Variants in TRAP1 observed in about 807,000 individuals in gnomAD.
The protein encoded by TRAP1 is TNF receptor associated protein 1.
In TRAP1, 102 loss-of-function variants were observed where a neutral mutation model predicts 89.1. That is an observed-to-expected ratio of 1.15 (90% CI 0.98 to 1.35). TRAP1 has a LOEUF of 1.35. TRAP1 is among the 40% of genes most tolerant of loss of function. TRAP1 has a pLI of 0.00. For missense variants in TRAP1, 1,256 were observed against 945.3 expected (o/e 1.33, Z -4.31); for synonymous variants, 508 against 388.0 (o/e 1.31, Z -3.64).
intron 1 of TRAP1, among the ~76,000 whole-genome samples, chr16:3,712,212 T>C (rs2051540310): frequency 7.4e-6 from 1 of 134,688 alleles, no homozygotes; most frequent in Admixed American, 9.0e-5. Context: ...CTGCCTGAAT[T>C]CAGGAGGCGG....
At chr16:3,686,240 T>G (rs929105705) in intron 3 of TRAP1, 104 bp from the exon 4 acceptor site, 1 of 1,325,962 alleles carries the variant, frequency 7.5e-7, no homozygotes. Flanking sequence ...TAGAGGAGAA[T>G]AGTCAATTCT....
At chr16:3,687,193 G>A (rs1224311927) in intron 3 of TRAP1, 2 of 152,110 alleles carry the variant, frequency 1.3e-5, no homozygotes, top group African/African-American at 2.4e-5. Flanking sequence ...TGTTCTCGTG[G>A]TAGTGAGTAA....
rs554747620 is a variant in TRAP1 at position 3,717,481 on chromosome 16, G to A, written c.28C>T (p.Leu10=). 10 of 1,338,986 alleles carry A rather than the reference G, an allele frequency of 7.5e-6. No individual in the cohort carries two copies. In the East Asian group the frequency reaches 1.6e-4, roughly 22 times the overall value. 82.9% of individuals were successfully genotyped at this position (1,338,986 alleles called of 1,614,324 possible). MARELRALL[L]WGRRLRPLLR... is the part of the protein sequence containing the mutation. ...AAAGGCCGCAGGCGGCGGCCCCACA[G>A]CAGCAGCGCCCGCAGCTCGCGCGCC... Residue 10 remains leucine, a synonymous_variant, in exon 1 of 18, where the codon CTG becomes TTG. Coordinates refer to ENST00000246957, the MANE Select transcript of TRAP1 (RefSeq NM_016292.3).
intron 3 of TRAP1, among the ~76,000 whole-genome samples, chr16:3,687,805 AC>A: frequency 6.7e-6 from 1 of 148,430 alleles, no homozygotes; most frequent in Admixed American, 6.9e-5. Flanking sequence ...CCGAGATCAT[AC>A]CACTGCACTC....
intron 4 of TRAP1, among the ~76,000 whole-genome samples, chr16:3,685,098 C>A (rs554214818): frequency 6.6e-6 from 1 of 152,338 alleles, no homozygotes; most frequent in African/African-American, 2.4e-5. Flanking sequence ...CTGCAAGGAA[C>A]CTCTGTGCTG....
intron 3 of TRAP1, chr16:3,687,000 A>T (rs1160815754): frequency 6.6e-6 from 1 of 152,090 alleles, no homozygotes; most frequent in Non-Finnish European, 1.5e-5. Flanking sequence ...TGCGAGGAAC[A>T]ATTTCTTTCC....
At chr16:3,671,827 C>G (rs199860517) in intron 10 of TRAP1, 36 bp from the exon 11 acceptor site, 1 of 1,600,908 alleles carries the variant, frequency 6.2e-7, no homozygotes, top group African/African-American at 1.3e-5. Context: ...CCCGGGGCTG[C>G]GGCCCTCCAC....
chr16:3,663,659 G>A lies in TRAP1; in HGVS notation c.1570-97C>T, dbSNP rs543321474. On this transcript the variant is annotated intron_variant, in intron 13 of 17. Transcript: ENST00000246957. Reference sequence around the variant, plus strand: ...GGCAGGAGGGCTGGGGGAGCCAAGCGGGCCACACTGGGGAACACCGGGGCA... The same window carrying A: ...GGCAGGAGGGCTGGGGGAGCCAAGCAGGCCACACTGGGGAACACCGGGGCA... 82 of 1,503,734 alleles carry A rather than the reference G, an allele frequency of 5.5e-5. 1 individual carries two copies. In the East Asian group the frequency reaches 1.0e-3, roughly 19 times the overall value. 93.1% of individuals were successfully genotyped at this position (1,503,734 alleles called of 1,614,324 possible).
Position 3,662,240 on chromosome 16 carries a change from G to A in TRAP1, c.1795-108C>T, listed in dbSNP as rs113229466. 3 of 1,394,930 alleles carry A rather than the reference G, an allele frequency of 2.2e-6. No individual in the cohort carries two copies. The African/African-American group carries it at 4.3e-5, about 20-fold the overall frequency. 86.4% of individuals were successfully genotyped at this position (1,394,930 alleles called of 1,614,324 possible). A position where few individuals can be genotyped will look rare whatever the true frequency, so the allele number is the denominator to read the frequency against. On this transcript the variant is annotated intron_variant, in intron 15 of 17. Transcript: ENST00000246957. ...CCCAGACCACGAGGTAGCAGGCGGGGTCTCAAGGACTCCCCTGGACCAGCG... is the reference window on the plus strand; with the variant it reads ...CCCAGACCACGAGGTAGCAGGCGGGATCTCAAGGACTCCCCTGGACCAGCG...
intron 1 of TRAP1, among the ~76,000 whole-genome samples, chr16:3,695,931 C>G (rs1042562101): frequency 2.6e-5 from 4 of 152,188 alleles, no homozygotes; most frequent in African/African-American, 9.6e-5. Flanking sequence ...ACTGGAGGTA[C>G]AGGCATCAGT....
chr16:3,664,095 TGTGACCTCCAA>T (rs1876588024), intron 13 of TRAP1, 168 bp downstream of exon 13: 1 of 626,270 alleles, frequency 1.6e-6, no homozygotes, highest in South Asian at 2.7e-5. Context: ...AAAAACCACA[TGTGACCTCCAA>T]GTGGGAAACA....
intron 9 of TRAP1, 96 bp from the exon 10 acceptor site, chr16:3,672,916 A>G (rs1596710494): frequency 1.4e-6 from 2 of 1,455,844 alleles, no homozygotes; most frequent in Non-Finnish European, 1.8e-6. Flanking sequence ...TCCAGAGCCC[A>G]CTCCCGCCTC....
Position 3,690,979 on chromosome 16 carries a change from G to C in TRAP1, c.95C>G (p.Pro32Arg), listed in dbSNP as rs756676011. The change falls in exon 2 of 18, where the codon CCA (proline) becomes CGA (arginine). Residue 32 changes from proline to arginine, a missense_variant. Transcript: ENST00000246957. Reference sequence around the variant, plus strand: ...TGTGGTCCTCCGAGGACACAGAATTGGTTTTCCTGAAAAGACAAATATGCA... The same window carrying C: ...TGTGGTCCTCCGAGGACACAGAATTCGTTTTCCTGAAAAGACAAATATGCA... ...PALAAVPGGK[P>R]ILCPRRTTAQ... The C allele has an allele frequency of 4.7e-6, 7 of 1,503,884 alleles. No individual in the cohort carries two copies. In the African/African-American group the frequency reaches 5.7e-5, roughly 12 times the overall value. The allele number at this position is 1,503,884 out of a possible 1,614,324, so 93.2% of individuals were successfully genotyped here.
intron 8 of TRAP1, chr16:3,675,027 G>A: frequency 2.4e-6 from 1 of 413,068 alleles, no homozygotes; most frequent in Non-Finnish European, 4.4e-6. Context: ...CGGGGTGGCT[G>A]CACAGCTCTG....
At chr16:3,695,504 C>A (rs187418364) in intron 1 of TRAP1, among the ~76,000 whole-genome samples, 1 of 147,850 alleles carries the variant, frequency 6.8e-6, no homozygotes, top group Admixed American at 6.8e-5. Flanking sequence ...CCACTGTACT[C>A]CAGACTTGGC....
chr16:3,690,872 C>T lies in TRAP1; in HGVS notation c.202G>A (p.Glu68Lys), dbSNP rs2051204537. 4 of 1,581,530 alleles carry T rather than the reference C, an allele frequency of 2.5e-6. No individual in the cohort carries two copies. Among genetic ancestry groups the T allele is most frequent in the Non-Finnish European group, 3.4e-6 (4 of 1,164,010 alleles). The change falls in exon 2 of 18, where the codon GAG becomes AAG. Residue 68 changes from glutamate (E) to lysine (K), a missense_variant. Glu to Lys is a moderately conservative substitution (Grantham distance 56, BLOSUM62 1). Transcript: ENST00000246957. ...CTGATAATCGAGTGCAGGGGTTCCT[C>T]CTTGTCCTCGGCGGTCTGCGTGCTG... ...LFSTQTAEDK[E>K]EPLHSIISST... is the part of the protein sequence containing the mutation.
At position 3,690,814 on chromosome 16, in the gene TRAP1, G is replaced by C; in HGVS notation, c.247+13C>G. 1.4e-6 allele frequency: 2 copies of C among 1,380,412 alleles called. No homozygotes were observed. Among genetic ancestry groups the C allele is most frequent in the South Asian group, 1.9e-5 (1 of 53,366 alleles). The allele number at this position is 1,380,412 out of a possible 1,614,324, so 85.5% of individuals were successfully genotyped here. A position where few individuals can be genotyped will look rare whatever the true frequency, so the allele number is the denominator to read the frequency against. ...AAAAAGCCCTCCCAGACCAAAGCACGAGCCAAGGCTACCCTGCACGCTCTC... is the reference window on the plus strand; with the variant it reads ...AAAAAGCCCTCCCAGACCAAAGCACCAGCCAAGGCTACCCTGCACGCTCTC... On this transcript the variant is annotated intron_variant, in intron 2 of 17. Coordinates refer to ENST00000246957, the MANE Select transcript of TRAP1 (RefSeq NM_016292.3).
chr16:3,676,227 G>T (rs1010398246), intron 6 of TRAP1, 82 bp from the exon 7 acceptor site: 28 of 1,236,810 alleles, frequency 2.3e-5, no homozygotes, highest in Non-Finnish European at 3.2e-5. Context: ...GTTCCCGAGG[G>T]TTTCATAGGC....
chr16:3,667,430 C>T (rs2151246905), intron 11 of TRAP1, among the ~76,000 whole-genome samples: 1 of 151,912 alleles, frequency 6.6e-6, no homozygotes, highest in East Asian at 1.9e-4. Flanking sequence ...TTGAGACCAG[C>T]CTGGTCAACA....
Sources: allele counts gnomAD v4.1 joint callset (sites outside exome capture counted in the v4.1 genomes callset), GRCh38; gene constraint gnomAD v4.1.1; transcripts MANE v1.5; gene names NCBI Gene and HGNC (gene_info 2026-07-23, HGNC 2026-07-21).